ROBO1: variants seen among roughly 807,000 people sequenced by gnomAD.
The protein encoded by ROBO1 is roundabout homolog 1.
A neutral mutation model predicts 195.9 loss-of-function variants in ROBO1; 149 were observed. The observed-to-expected ratio is 0.76, with a 90% confidence interval of 0.67 to 0.87. The LOEUF (loss-of-function observed/expected upper bound fraction) is 0.87. Ranked by LOEUF, ROBO1 falls within the 40% of genes least tolerant of loss-of-function variation. The pLI, the probability that ROBO1 is intolerant of heterozygous loss-of-function variation, is 0.00. For missense variants in ROBO1, 1,933 were observed against 2,068.3 expected, an observed-to-expected ratio of 0.93 and a Z score of 1.27; for synonymous variants, 816 against 733.2, an observed-to-expected ratio of 1.11 and a Z score of -1.82.
At chr3:79,696,940 A>T (rs902371328) in intron 1 of ROBO1, among the ~76,000 whole-genome samples, 3 of 151,586 alleles carry the variant, frequency 2.0e-5, no homozygotes, top group Admixed American at 1.3e-4. Context: ...AATGAAAAAA[A>T]TCAGACATAA....
chr3:79,267,825 T>G (rs1485794202), intron 2 of ROBO1, among the ~76,000 whole-genome samples: 1 of 151,562 alleles, frequency 6.6e-6, no homozygotes, highest in Non-Finnish European at 1.5e-5. Flanking sequence ...GCTTATTATT[T>G]TGAATATAAT....
chr3:79,528,326 G>T (rs1234857386), intron 2 of ROBO1, among the ~76,000 whole-genome samples: 1 of 151,906 alleles, frequency 6.6e-6, no homozygotes, highest in Non-Finnish European at 1.5e-5. Flanking sequence ...AATGCTTTCT[G>T]GGTTATCATA....
chr3:79,285,855 T>C (rs2031854405), intron 2 of ROBO1, among the ~76,000 whole-genome samples: 1 of 152,124 alleles, frequency 6.6e-6, no homozygotes, highest in Admixed American at 6.6e-5. Context: ...GGCTTAGACT[T>C]AAAATGTTAA....
chr3:79,002,966 C>G (rs1013868716), intron 3 of ROBO1, among the ~76,000 whole-genome samples: 3 of 151,992 alleles, frequency 2.0e-5, no homozygotes, highest in African/African-American at 2.4e-5. Flanking sequence ...ATGAAAACCT[C>G]GATTCCCCAA....
chr3:79,385,551 TA>T (rs2036711487), intron 2 of ROBO1, among the ~76,000 whole-genome samples: 1 of 152,218 alleles, frequency 6.6e-6, no homozygotes, highest in East Asian at 1.9e-4. Flanking sequence ...AAAGGCGACA[TA>T]AAGCTTGCTG....
intron 2 of ROBO1, among the ~76,000 whole-genome samples, chr3:79,573,989 C>T (rs1004645981): frequency 1.4e-4 from 22 of 152,128 alleles, no homozygotes; most frequent in African/African-American, 4.1e-4. Flanking sequence ...TTGCAACTAT[C>T]CAGGGAAACT....
At chr3:79,291,368 A>G (rs1019145864) in intron 2 of ROBO1, among the ~76,000 whole-genome samples, 5 of 151,616 alleles carry the variant, frequency 3.3e-5, no homozygotes, top group African/African-American at 1.2e-4. Context: ...ACCTTTTAGT[A>G]TTTTCCAGCT....
chr3:78,973,524 CTATA>C lies in ROBO1; in HGVS notation c.173-34601_173-34598del. On this transcript the variant is annotated intron_variant, in intron 3 of 30. Coordinates refer to ENST00000464233, the MANE Select transcript of ROBO1 (RefSeq NM_002941.4). ...ATATATATATTATATATATAAGAAGCTATATATAATATATATAAGAATATATATA... is the reference window on the plus strand; with the variant it reads ...ATATATATATTATATATATAAGAAGCTATAATATATATAAGAATATATATA... Among the ~76,000 whole-genome samples, 2 of 134,462 alleles carry C rather than the reference CTATA, an allele frequency of 1.5e-5. 1 individual carries two copies. The highest frequency in any genetic ancestry group is 4.7e-4 in the South Asian group (2 of 4,284). The allele number at this position is 134,462 out of a possible 152,430, so 88.2% of individuals were successfully genotyped here. A position where few individuals can be genotyped will look rare whatever the true frequency, so the allele number is the denominator to read the frequency against.
At chr3:78,958,549 AC>A (rs1157915585) in intron 3 of ROBO1, among the ~76,000 whole-genome samples, 2 of 152,224 alleles carry the variant, frequency 1.3e-5, no homozygotes, top group African/African-American at 4.8e-5. Flanking sequence ...TCCGATAAGT[AC>A]CCTCAGTTTG....
At chr3:79,022,101 A>G (rs2108277013) in intron 3 of ROBO1, among the ~76,000 whole-genome samples, 1 of 152,212 alleles carries the variant, frequency 6.6e-6, no homozygotes, top group East Asian at 1.9e-4. Context: ...AAGTGTATCT[A>G]TTTTCTGTCT....
chr3:79,700,273 G>C (rs910929695), intron 1 of ROBO1, among the ~76,000 whole-genome samples: 7 of 149,564 alleles, frequency 4.7e-5, no homozygotes, highest in African/African-American at 1.7e-4. Flanking sequence ...ATTGTGCATA[G>C]TGCTGTGATG....
At chr3:79,528,666 C>T (rs1220503346) in intron 2 of ROBO1, among the ~76,000 whole-genome samples, 1 of 152,112 alleles carries the variant, frequency 6.6e-6, no homozygotes, top group African/African-American at 2.4e-5. Context: ...CAGACTGTGA[C>T]TTCTAGATCA....
intron 2 of ROBO1, among the ~76,000 whole-genome samples, chr3:79,332,079 C>T (rs2034463305): frequency 6.8e-6 from 1 of 147,916 alleles, no homozygotes; most frequent in South Asian, 2.1e-4. Flanking sequence ...GGAGGCGAAG[C>T]TTACAGTGAG....
chr3:79,716,035 T>C (rs1381365166), intron 1 of ROBO1, among the ~76,000 whole-genome samples: 1 of 152,074 alleles, frequency 6.6e-6, no homozygotes, highest in Non-Finnish European at 1.5e-5. Flanking sequence ...AAGCTGAAGA[T>C]GTTTTTAGCC....
At chr3:79,619,330 C>T (rs1944929809) in intron 1 of ROBO1, among the ~76,000 whole-genome samples, 1 of 152,118 alleles carries the variant, frequency 6.6e-6, no homozygotes, top group Non-Finnish European at 1.5e-5. Flanking sequence ...ATCTTCCACT[C>T]TCCATTCCCC....
chr3:78,961,594 T>A (rs2041349722), intron 3 of ROBO1, among the ~76,000 whole-genome samples: 1 of 152,160 alleles, frequency 6.6e-6, no homozygotes, highest in Admixed American at 6.5e-5. Context: ...TTATTATCCA[T>A]AACTTACAGA....
At chr3:79,492,873 C>T (rs898392671) in intron 2 of ROBO1, among the ~76,000 whole-genome samples, 2 of 151,980 alleles carry the variant, frequency 1.3e-5, no homozygotes, top group East Asian at 3.9e-4. Flanking sequence ...ACAACTAAGA[C>T]CTTAACACTA....
chr3:79,037,029 T>C lies in ROBO1; in HGVS notation c.172+88427A>G, dbSNP rs369804646. ...GAGTATATATAAAATTTCTTTCAGTTCTCATGGGAATGAAAATTAAACCTT... is the reference window on the plus strand; with the variant it reads ...GAGTATATATAAAATTTCTTTCAGTCCTCATGGGAATGAAAATTAAACCTT... On this transcript the variant is annotated intron_variant, in intron 3 of 30. Coordinates refer to ENST00000464233, the MANE Select transcript of ROBO1 (RefSeq NM_002941.4). Among the ~76,000 whole-genome samples, 82 of 152,184 alleles carry C rather than the reference T, an allele frequency of 5.4e-4. 1 individual carries two copies. The South Asian group carries it at 0.017, about 32-fold the overall frequency.
chr3:79,075,202 A>G (rs983632247), intron 3 of ROBO1, among the ~76,000 whole-genome samples: 2 of 151,922 alleles, frequency 1.3e-5, no homozygotes, highest in Admixed American at 6.6e-5. Flanking sequence ...CTTGTCAAAT[A>G]TTTATATAGA....
Sources: allele counts gnomAD v4.1 joint callset (sites outside exome capture counted in the v4.1 genomes callset), GRCh38; gene constraint gnomAD v4.1.1; transcripts MANE v1.5; gene names NCBI Gene and HGNC (gene_info 2026-07-23, HGNC 2026-07-21).